Variants in SBF2 observed in about 807,000 individuals in gnomAD.
SBF2 encodes myotubularin-related protein 13.
A neutral mutation model predicts 225.2 loss-of-function variants in SBF2; 112 were observed. That is an observed-to-expected ratio of 0.50 (90% CI 0.43 to 0.58). The LOEUF (loss-of-function observed/expected upper bound fraction) is 0.58, where lower values mean the gene tolerates loss of function less well. Among genes scored for constraint, SBF2 ranks in the 20% least tolerant of loss-of-function variants. The pLI is 0.00. For synonymous variants in SBF2, 763 were observed against 773.3 expected, an observed-to-expected ratio of 0.99 and a Z score of 0.22; for missense variants, 1,996 against 2,206.2, an observed-to-expected ratio of 0.90 and a Z score of 1.91.
chr11:10,050,683 T>C (rs192707291), intron 2 of SBF2, among the ~76,000 whole-genome samples: 10 of 152,238 alleles, frequency 6.6e-5, no homozygotes, highest in East Asian at 3.9e-4. Context: ...CATTGTGACA[T>C]AGCTATAGGC....
At chr11:10,135,927 T>C (rs912641338) in intron 2 of SBF2, among the ~76,000 whole-genome samples, 1 of 152,162 alleles carries the variant, frequency 6.6e-6, no homozygotes, top group African/African-American at 2.4e-5. Context: ...CTGGTACCAA[T>C]TTATTGTATT....
chr11:9,839,236 A>C, intron 26 of SBF2: 1 of 470,644 alleles, frequency 2.1e-6, no homozygotes. Context: ...GCTAGAAAAG[A>C]AGCAAACTGG....
At chr11:10,134,254 CT>C (rs796368105) in intron 2 of SBF2, among the ~76,000 whole-genome samples, 2 of 152,246 alleles carry the variant, frequency 1.3e-5, no homozygotes, top group African/African-American at 4.8e-5. Context: ...ACCTGCCCCC[CT>C]GATTCAATTA....
intron 16 of SBF2, among the ~76,000 whole-genome samples, chr11:9,903,152 T>C (rs888409774): frequency 6.6e-6 from 1 of 152,022 alleles, no homozygotes; most frequent in Non-Finnish European, 1.5e-5. Flanking sequence ...AAACCCCGTC[T>C]CTACTAAAAA....
intron 2 of SBF2, among the ~76,000 whole-genome samples, chr11:10,162,966 T>C (rs1221097204): frequency 1.3e-5 from 2 of 151,586 alleles, no homozygotes; most frequent in Non-Finnish European, 2.9e-5. Flanking sequence ...TTAGCTCCTC[T>C]AAGCATGCAA....
intron 1 of SBF2, among the ~76,000 whole-genome samples, chr11:10,254,036 G>C (rs1402064291): frequency 1.3e-5 from 2 of 152,156 alleles, no homozygotes; most frequent in African/African-American, 4.8e-5. Flanking sequence ...CACACTGTTG[G>C]AAGGAGTGTA....
chr11:10,247,621 G>A (rs1243744183), intron 1 of SBF2, among the ~76,000 whole-genome samples: 1 of 152,072 alleles, frequency 6.6e-6, no homozygotes, highest in Non-Finnish European at 1.5e-5. Context: ...CTTGAACCCA[G>A]GAGGCAGAGA....
chr11:10,082,407 C>G (rs4466825), intron 2 of SBF2, among the ~76,000 whole-genome samples: 68,915 of 151,824 alleles, frequency 0.45, 16,106 homozygotes, highest in Admixed American at 0.56. Flanking sequence ...TATCAAAGCA[C>G]AGTAAATACA....
At position 9,847,380 on chromosome 11, in the gene SBF2, A is replaced by C. The variant is rs548417042; in HGVS notation, c.2807-297T>G. ...AGAAGTTAGAGACAAGTGACTTGCC[A>C]CTCCTGAGACAGAGTCCTTTCCTCG... is the stretch of plus-strand genomic sequence containing the variant. On this transcript the variant is annotated intron_variant, in intron 22 of 39. Coordinates refer to ENST00000256190, the MANE Select transcript of SBF2 (RefSeq NM_030962.4). Among the ~76,000 whole-genome samples the C allele has an allele frequency of 3.5e-4, 53 of 152,000 alleles. 1 individual carries two copies. The highest frequency in any genetic ancestry group is 6.2e-4 in the Non-Finnish European group (42 of 67,978).
intron 16 of SBF2, among the ~76,000 whole-genome samples, chr11:9,926,950 C>A (rs1203733828): frequency 1.3e-5 from 2 of 151,676 alleles, no homozygotes; most frequent in Non-Finnish European, 2.9e-5. Flanking sequence ...TCAATGAAAC[C>A]CGAAACTGGT....
At chr11:10,171,691 T>G (rs1449750840) in intron 2 of SBF2, among the ~76,000 whole-genome samples, 1 of 152,222 alleles carries the variant, frequency 6.6e-6, no homozygotes, top group African/African-American at 2.4e-5. Flanking sequence ...CTCAATTTTT[T>G]GGAATAGTTT....
intron 1 of SBF2, among the ~76,000 whole-genome samples, chr11:10,251,510 T>C (rs1480874969): frequency 6.6e-6 from 1 of 152,150 alleles, no homozygotes; most frequent in East Asian, 1.9e-4. Flanking sequence ...AAATGTAGAT[T>C]ATAAAATTTC....
intron 2 of SBF2, among the ~76,000 whole-genome samples, chr11:10,147,562 C>G (rs1954949076): frequency 6.6e-6 from 1 of 151,898 alleles, no homozygotes; most frequent in Admixed American, 6.6e-5. Flanking sequence ...CTGGGACCTA[C>G]TTAAGGGTGG....
chr11:9,928,232 T>C (rs1183266788), intron 16 of SBF2, among the ~76,000 whole-genome samples: 3 of 152,164 alleles, frequency 2.0e-5, no homozygotes, highest in Admixed American at 6.5e-5. Flanking sequence ...GTATTCAGAA[T>C]ATAAAAATTT....
At chr11:10,077,668 T>C (rs1045377833) in intron 2 of SBF2, among the ~76,000 whole-genome samples, 51 of 152,236 alleles carry the variant, frequency 3.4e-4, no homozygotes, top group Admixed American at 1.8e-3. Context: ...ATGTTAGACA[T>C]AAAACCATTA....
At chr11:9,899,544 T>C (rs1861551404) in intron 16 of SBF2, among the ~76,000 whole-genome samples, 1 of 150,362 alleles carries the variant, frequency 6.7e-6, no homozygotes, top group Non-Finnish European at 1.5e-5. Flanking sequence ...ACATCTAAAT[T>C]TATTGTTTAA....
chr11:10,080,799 A>C (rs1481030068), intron 2 of SBF2, among the ~76,000 whole-genome samples: 1 of 152,122 alleles, frequency 6.6e-6, no homozygotes, highest in African/African-American at 2.4e-5. Flanking sequence ...AATCAAACGC[A>C]AGCAGAAATA....
intron 33 of SBF2, chr11:9,790,927 T>G: frequency 2.5e-6 from 1 of 395,394 alleles, no homozygotes; most frequent in Non-Finnish European, 4.7e-6. Context: ...GCCAGCAGTC[T>G]ATCAATCATG....
chr11:10,091,927 G>A (rs1951800979), intron 2 of SBF2, among the ~76,000 whole-genome samples: 1 of 152,182 alleles, frequency 6.6e-6, no homozygotes, highest in East Asian at 1.9e-4. Context: ...ACTTGGAAGA[G>A]GCCCAGAAGT....
Sources: allele counts gnomAD v4.1 joint callset (sites outside exome capture counted in the v4.1 genomes callset), GRCh38; gene constraint gnomAD v4.1.1; transcripts MANE v1.5; gene names NCBI Gene and HGNC (gene_info 2026-07-23, HGNC 2026-07-21).